Variants in TRAM2 observed in about 807,000 individuals in gnomAD.
The protein encoded by TRAM2 is translocating chain-associated membrane protein 2.
A neutral mutation model predicts 51.0 loss-of-function variants in TRAM2; 12 were observed. The ratio of observed to expected loss-of-function variants is 0.24; its 90% CI spans 0.15 to 0.38. TRAM2 has a LOEUF of 0.38. Among genes scored for constraint, TRAM2 ranks in the 10% least tolerant of loss-of-function variants. The probability of loss-of-function intolerance (pLI) is 1.00; values close to 1 mark genes in which losing one functional copy is unlikely to be tolerated. For synonymous variants in TRAM2, 175 were observed against 179.4 expected, an observed-to-expected ratio of 0.98 and a Z score of 0.20; for missense variants, 361 against 462.0, an observed-to-expected ratio of 0.78 and a Z score of 2.00.
At chr6:52,555,600 C>A (rs1767391614) in intron 1 of TRAM2, among the ~76,000 whole-genome samples, 1 of 152,130 alleles carries the variant, frequency 6.6e-6, no homozygotes, top group African/African-American at 2.4e-5. Context: ...ATTCTGTAAG[C>A]TGCTTTTAAA....
intron 1 of TRAM2, among the ~76,000 whole-genome samples, chr6:52,565,230 A>G (rs1767569566): frequency 6.6e-6 from 1 of 152,196 alleles, no homozygotes; most frequent in Non-Finnish European, 1.5e-5. Flanking sequence ...AGGATCAGAA[A>G]AGATGAGAGT....
In TRAM2 at chr6:52,526,785, C is replaced by A. The variant is rs557304545; in HGVS notation, c.184+8998G>T. Among the ~76,000 whole-genome samples the A allele has an allele frequency of 9.8e-5, 15 of 152,318 alleles. No homozygotes were observed. In the East Asian group the frequency reaches 2.3e-3, roughly 23 times the overall value. On this transcript the variant is annotated intron_variant, in intron 2 of 10. Transcript: ENST00000182527. ...TATACAAGGATTCCTAGGTGCCAGG[C>A]ACATACTACAGACTCCACTGTACTT...
intron 4 of TRAM2, among the ~76,000 whole-genome samples, chr6:52,511,242 T>C (rs1012206681): frequency 2.1e-4 from 32 of 152,170 alleles, no homozygotes; most frequent in African/African-American, 7.7e-4. Context: ...GTAGCTGGGA[T>C]TACAAGCACG....
At chr6:52,537,109 C>A (rs114970864) in intron 1 of TRAM2, among the ~76,000 whole-genome samples, 1,748 of 152,312 alleles carry the variant, frequency 0.011, 26 homozygotes, top group African/African-American at 0.038. Context: ...GTCAACAAGA[C>A]CCATCCCATT....
In TRAM2 at chr6:52,576,939, C is replaced by A; in HGVS notation, c.-24G>T. ...ATGGCAGCGGGCGCGCAGCGGCCGG[C>A]GGGGCCCGCACCCTGCGCTCACGAA... On this transcript the variant is annotated 5_prime_UTR_variant, in exon 1 of 11. Coordinates refer to ENST00000182527, the MANE Select transcript of TRAM2 (RefSeq NM_012288.4). 1 of 1,594,556 alleles carries A rather than the reference C, an allele frequency of 6.3e-7. No homozygotes were observed. The highest frequency in any genetic ancestry group is 8.5e-7 in the Non-Finnish European group (1 of 1,171,950).
At chr6:52,570,621 G>C (rs1219190403) in intron 1 of TRAM2, among the ~76,000 whole-genome samples, 11 of 152,074 alleles carry the variant, frequency 7.2e-5, no homozygotes, top group Non-Finnish European at 1.5e-4. Flanking sequence ...AGGGTGAGGC[G>C]AGTGAAGCAT....
At chr6:52,543,953 C>T (rs1340648809) in intron 1 of TRAM2, among the ~76,000 whole-genome samples, 1 of 152,178 alleles carries the variant, frequency 6.6e-6, no homozygotes, top group Non-Finnish European at 1.5e-5. Flanking sequence ...TTAGAGAAAG[C>T]CAGAGTTGGC....
chr6:52,517,216 C>G (rs1401286360), intron 2 of TRAM2: 1 of 156,570 alleles, frequency 6.4e-6, no homozygotes, highest in Non-Finnish European at 1.4e-5. Flanking sequence ...TATTGCAGCT[C>G]TGTCCTATGT....
At chr6:52,558,304 A>T (rs1767443532) in intron 1 of TRAM2, among the ~76,000 whole-genome samples, 1 of 152,104 alleles carries the variant, frequency 6.6e-6, no homozygotes, top group Non-Finnish European at 1.5e-5. Flanking sequence ...CAGGCCCAAA[A>T]GCCCCCCACG....
In TRAM2 at chr6:52,499,652, C is replaced by T. The variant is rs189659532; in HGVS notation, c.*3545G>A. Reference sequence around the variant, plus strand: ...GAGGTCCCAAAAGAGACCCCAGAAGCACACACCCACCCCAAGCTTCAGGGG... The same window carrying T: ...GAGGTCCCAAAAGAGACCCCAGAAGTACACACCCACCCCAAGCTTCAGGGG... On this transcript the variant is annotated 3_prime_UTR_variant, in exon 11 of 11. Transcript: ENST00000182527. 1.3e-5 allele frequency: 2 copies of T among 152,220 alleles called. No homozygotes were observed. Among genetic ancestry groups the T allele is most frequent in the African/African-American group, 4.8e-5 (2 of 41,442 alleles). 9.4% of individuals were successfully genotyped at this position (152,220 alleles called of 1,614,324 possible).
At chr6:52,550,326 G>C (rs1041801154) in intron 1 of TRAM2, among the ~76,000 whole-genome samples, 2 of 152,008 alleles carry the variant, frequency 1.3e-5, no homozygotes, top group African/African-American at 4.8e-5. Flanking sequence ...AGCTCCCCAC[G>C]TTCGCAAGCC....
At chr6:52,562,230 T>C (rs944183352) in intron 1 of TRAM2, among the ~76,000 whole-genome samples, 1 of 152,264 alleles carries the variant, frequency 6.6e-6, no homozygotes, top group South Asian at 2.1e-4. Context: ...CCTCAAAGAA[T>C]GCACAGCGAG....
rs1188360045 is a variant in TRAM2 at position 52,502,884 on chromosome 6, A to G, written c.*313T>C. On this transcript the variant is annotated 3_prime_UTR_variant, in exon 11 of 11. Coordinates refer to ENST00000182527, the MANE Select transcript of TRAM2 (RefSeq NM_012288.4). ...GCAGCAGCCATAAGGCAAGAGACAG[A>G]GCAAGCAGAAAGGTGCCAGCCATGG... The G allele has an allele frequency of 7.8e-6, 3 of 386,278 alleles. No individual in the cohort carries two copies. The highest frequency in any genetic ancestry group is 1.4e-5 in the Non-Finnish European group (3 of 213,944). The allele number at this position is 386,278 out of a possible 1,614,324, so 23.9% of individuals were successfully genotyped here. A position where few individuals can be genotyped will look rare whatever the true frequency, so the allele number is the denominator to read the frequency against.
intron 2 of TRAM2, among the ~76,000 whole-genome samples, chr6:52,521,063 C>T (rs529047237): frequency 1.8e-4 from 28 of 152,044 alleles, no homozygotes; most frequent in Non-Finnish European, 3.1e-4. Flanking sequence ...CCACCAGTTC[C>T]GGCAAATTTT....
At chr6:52,522,437 G>A (rs140320144) in intron 2 of TRAM2, among the ~76,000 whole-genome samples, 30 of 152,350 alleles carry the variant, frequency 2.0e-4, no homozygotes, top group Admixed American at 3.3e-4. Context: ...TGACTAATTC[G>A]AAATTTTTAA....
chr6:52,530,959 A>C (rs1056237), intron 2 of TRAM2, among the ~76,000 whole-genome samples: 69,373 of 151,832 alleles, frequency 0.46, 16,757 homozygotes, highest in African/African-American at 0.62. Flanking sequence ...TTAGAACTTG[A>C]AAACATCCGC....
chr6:52,542,048 C>A (rs1195136020), intron 1 of TRAM2, among the ~76,000 whole-genome samples: 1 of 151,996 alleles, frequency 6.6e-6, no homozygotes, highest in African/African-American at 2.4e-5. Context: ...CAGGGTAAAG[C>A]CAAGTGACAG....
chr6:52,510,400 G>A (rs1766430122), intron 4 of TRAM2, among the ~76,000 whole-genome samples: 1 of 152,182 alleles, frequency 6.6e-6, no homozygotes. Context: ...GAAACCCCCT[G>A]GGACCCAAAG....
chr6:52,569,135 C>G (rs1199225053), intron 1 of TRAM2, among the ~76,000 whole-genome samples: 1 of 152,172 alleles, frequency 6.6e-6, no homozygotes, highest in Admixed American at 6.5e-5. Flanking sequence ...TGGCTCATGC[C>G]TGTAATCCCA....
Sources: gnomAD v4.1 joint callset for allele counts (sites outside exome capture counted in the v4.1 genomes callset) on GRCh38, gnomAD v4.1.1 for gene constraint, MANE v1.5 for transcripts, NCBI Gene and HGNC (gene_info 2026-07-23, HGNC 2026-07-21) for gene names.